SRGAP1: variants seen among roughly 807,000 people sequenced by gnomAD.
SRGAP1 encodes SLIT-ROBO Rho GTPase activating protein 1, also known as SLIT-ROBO Rho GTPase-activating protein 1.
A neutral mutation model predicts 121.9 loss-of-function variants in SRGAP1; 43 were observed. The ratio of observed to expected loss-of-function variants is 0.35; its 90% confidence interval spans 0.28 to 0.46. The LOEUF (loss-of-function observed/expected upper bound fraction) is 0.46. Ranked by LOEUF, SRGAP1 falls within the 20% of genes least tolerant of loss-of-function variation. The pLI is 1.00. For missense variants in SRGAP1, 1,102 were observed against 1,350.9 expected (o/e 0.82, Z 2.89); for synonymous variants, 447 against 485.4 (o/e 0.92, Z 1.04).
intron 12 of SRGAP1, among the ~76,000 whole-genome samples, chr12:64,093,680 C>T (rs886596266): frequency 6.6e-6 from 1 of 152,042 alleles, no homozygotes; most frequent in Non-Finnish European, 1.5e-5. Context: ...CACTAAAATG[C>T]GTTTTTATTC....
chr12:63,859,145 A>T (rs1246457620), intron 1 of SRGAP1, among the ~76,000 whole-genome samples: 2 of 152,096 alleles, frequency 1.3e-5, no homozygotes, highest in East Asian at 3.9e-4. Context: ...AAAAATATTT[A>T]TTTTTGCCTT....
chr12:64,065,113 A>C lies in SRGAP1; in HGVS notation c.1024-5A>C, dbSNP rs1446677766. ...TGTTGTAACTGGTTTCTCATTCTCC[A>C]TCAGGTGTGCCAGGTCAGTGCCCAG... On this transcript the variant is annotated splice_polypyrimidine_tract_variant and splice_region_variant and intron_variant, in intron 7 of 21. Transcript: ENST00000355086. 6.2e-7 allele frequency: 1 copy of C among 1,609,870 alleles called. No individual in the cohort carries two copies. The highest frequency in any genetic ancestry group is 1.3e-5 in the African/African-American group (1 of 74,730).
At chr12:63,936,219 A>G (rs1021293857) in intron 1 of SRGAP1, among the ~76,000 whole-genome samples, 41 of 152,160 alleles carry the variant, frequency 2.7e-4, no homozygotes, top group African/African-American at 9.4e-4. Context: ...GGTAGTGAGT[A>G]TATGTAGAGG....
intron 1 of SRGAP1, among the ~76,000 whole-genome samples, chr12:63,932,624 A>G (rs1255471249): frequency 2.6e-5 from 4 of 151,996 alleles, no homozygotes; most frequent in African/African-American, 9.7e-5. Flanking sequence ...AAAGATTGGG[A>G]TTGTGTTTCA....
At chr12:64,121,766 C>G (rs2036609303) in intron 18 of SRGAP1, among the ~76,000 whole-genome samples, 1 of 152,206 alleles carries the variant, frequency 6.6e-6, no homozygotes, top group African/African-American at 2.4e-5. Context: ...TGCCTTTTAC[C>G]TCTTGACTAT....
intron 1 of SRGAP1, among the ~76,000 whole-genome samples, chr12:63,850,624 G>C (rs191594365): frequency 1.8e-3 from 259 of 145,146 alleles, no homozygotes; most frequent in African/African-American, 6.3e-3. Context: ...TGTAAAGATA[G>C]GGTTTCGCCA....
At chr12:63,911,316 A>G (rs1325877622) in intron 1 of SRGAP1, among the ~76,000 whole-genome samples, 1 of 150,656 alleles carries the variant, frequency 6.6e-6, no homozygotes, top group Non-Finnish European at 1.5e-5. Flanking sequence ...AAAAAAAAAA[A>G]AGAAAAGAAA....
intron 17 of SRGAP1, among the ~76,000 whole-genome samples, chr12:64,114,651 T>TG (rs2036489696): frequency 6.6e-6 from 1 of 152,184 alleles, no homozygotes; most frequent in African/African-American, 2.4e-5. Context: ...GTGCCTGGCC[T>TG]GGTTAGCATT....
At chr12:63,927,222 C>G (rs1266031927) in intron 1 of SRGAP1, among the ~76,000 whole-genome samples, 1 of 152,182 alleles carries the variant, frequency 6.6e-6, no homozygotes, top group African/African-American at 2.4e-5. Flanking sequence ...GTCATCCATT[C>G]CTATTCTACA....
At chr12:63,851,449 T>TA (rs1259647375) in intron 1 of SRGAP1, among the ~76,000 whole-genome samples, 2 of 152,104 alleles carry the variant, frequency 1.3e-5, no homozygotes, top group East Asian at 3.9e-4. Flanking sequence ...AATAAATAAA[T>TA]AATAAAAAAC....
Position 64,042,850 on chromosome 12 carries a change from G to C in SRGAP1, c.550G>C (p.Glu184Gln). The C allele has an allele frequency of 6.2e-7, 1 of 1,613,932 alleles. No homozygotes were observed. Among genetic ancestry groups the C allele is most frequent in the Non-Finnish European group, 8.5e-7 (1 of 1,179,930 alleles). ...CATCAGTGCAGAGAGCAAGCTGAAA[G>C]AGGCCGAAAAACAAGAGGAAAAGCA... is the stretch of plus-strand genomic sequence containing the variant. ...ESISAESKLK[E>Q]AEKQEEKQIG... The change falls in exon 5 of 22, where the codon GAG (glutamate) becomes CAG (glutamine). Residue 184 changes from glutamate (E) to glutamine (Q), a missense_variant. By Grantham distance (29) the Glu-to-Gln change is conservative. This residue lies in a region of SRGAP1 where 747 missense variants were observed against 929.4 expected (regional missense o/e 0.80). Transcript: ENST00000355086.
At chr12:63,886,520 C>T (rs1386072322) in intron 1 of SRGAP1, among the ~76,000 whole-genome samples, 2 of 149,046 alleles carry the variant, frequency 1.3e-5, no homozygotes, top group Non-Finnish European at 2.9e-5. Context: ...CTCACCTTGT[C>T]GTCCAGGCTG....
At chr12:63,950,066 G>A (rs2032239344) in intron 1 of SRGAP1, among the ~76,000 whole-genome samples, 1 of 152,198 alleles carries the variant, frequency 6.6e-6, no homozygotes, top group South Asian at 2.1e-4. Context: ...ACCTCAGGCT[G>A]CCGGTTTGAA....
chr12:63,923,639 AG>A (rs1183690083), intron 1 of SRGAP1, among the ~76,000 whole-genome samples: 1 of 152,220 alleles, frequency 6.6e-6, no homozygotes, highest in African/African-American at 2.4e-5. Context: ...AGACTAAGCA[AG>A]ACCCTTTGGT....
chr12:64,020,370 T>C (rs1054897377), intron 4 of SRGAP1, among the ~76,000 whole-genome samples: 3 of 152,110 alleles, frequency 2.0e-5, no homozygotes, highest in Non-Finnish European at 4.4e-5. Context: ...AAAGACAGGA[T>C]GGTGGCATTA....
chr12:64,113,346 T>A (rs1249805253), intron 17 of SRGAP1, among the ~76,000 whole-genome samples: 1 of 152,072 alleles, frequency 6.6e-6, no homozygotes, highest in Non-Finnish European at 1.5e-5. Flanking sequence ...AGGTAGAGGT[T>A]GCAGTGAGCC....
At chr12:63,970,066 C>T (rs1458721324) in intron 1 of SRGAP1, among the ~76,000 whole-genome samples, 6 of 152,202 alleles carry the variant, frequency 3.9e-5, no homozygotes, top group Non-Finnish European at 8.8e-5. Context: ...TTCCCCCTTT[C>T]CCCAGACCAT....
intron 21 of SRGAP1, among the ~76,000 whole-genome samples, chr12:64,136,870 G>T (rs2136648502): frequency 6.6e-6 from 1 of 152,278 alleles, no homozygotes; most frequent in African/African-American, 2.4e-5. Flanking sequence ...AACATAATTT[G>T]GGTTAGAGAG....
intron 1 of SRGAP1, among the ~76,000 whole-genome samples, chr12:63,904,478 A>G (rs1297436304): frequency 6.6e-6 from 1 of 152,214 alleles, no homozygotes; most frequent in Non-Finnish European, 1.5e-5. Flanking sequence ...TGGAAAGCAA[A>G]AGGATTAAAT....
Sources: gnomAD v4.1 joint callset for allele counts (sites outside exome capture counted in the v4.1 genomes callset) on GRCh38, gnomAD v4.1.1 for gene constraint, gnomAD v4.1.1 regional missense constraint, MANE v1.5 for transcripts, NCBI Gene and HGNC (gene_info 2026-07-23, HGNC 2026-07-21) for gene names.